RALGAPB: variants seen among roughly 807,000 people sequenced by gnomAD.
The protein encoded by RALGAPB is Ral GTPase activating protein non-catalytic subunit beta.
Under a neutral mutation model 161.1 loss-of-function variants are expected in RALGAPB, and 25 were observed. The ratio of observed to expected loss-of-function variants is 0.16; its 90% CI spans 0.11 to 0.22. RALGAPB has a LOEUF of 0.22. Ranked by LOEUF, RALGAPB falls within the 10% of genes least tolerant of loss-of-function variation. The pLI, the probability that RALGAPB is intolerant of heterozygous loss-of-function variation, is 1.00. For missense variants in RALGAPB, 1,391 were observed against 1,815.2 expected, an observed-to-expected ratio of 0.77 and a Z score of 4.25; for synonymous variants, 629 against 626.1, an observed-to-expected ratio of 1.00 and a Z score of -0.07.
chr20:38,499,314 A>C, intron 4 of RALGAPB, 133 bp from the exon 5 acceptor site: 3 of 859,060 alleles, frequency 3.5e-6, no homozygotes, highest in Non-Finnish European at 5.3e-6. Flanking sequence ...TTTACTATTA[A>C]ATGATTATTT....
intron 25 of RALGAPB, 109 bp downstream of exon 25, chr20:38,565,587 GC>G: frequency 7.7e-7 from 1 of 1,301,138 alleles, no homozygotes; most frequent in Non-Finnish European, 1.0e-6. Flanking sequence ...GCATTCTTTA[GC>G]TTCTAAGGCA....
intron 23 of RALGAPB, 114 bp from the exon 24 acceptor site, chr20:38,562,418 T>A: frequency 1.1e-6 from 1 of 902,536 alleles, no homozygotes; most frequent in South Asian, 2.1e-5. Flanking sequence ...AAATTTATTC[T>A]GAGCTTGGAC....
intron 21 of RALGAPB, 63 bp from the exon 22 acceptor site, chr20:38,553,795 AAAAAAACAC>A: frequency 1.1e-6 from 1 of 898,748 alleles, no homozygotes; most frequent in South Asian, 1.8e-5. Context: ...AAAAAAAAAA[AAAAAAACAC>A]TTAAGATTGG....
chr20:38,492,102 GA>G (rs2085297361), intron 2 of RALGAPB, among the ~76,000 whole-genome samples: 1 of 152,312 alleles, frequency 6.6e-6, no homozygotes, highest in South Asian at 2.1e-4. Context: ...CCACATGACA[GA>G]ATAGTATTAG....
intron 24 of RALGAPB, 130 bp from the exon 25 acceptor site, chr20:38,565,225 TACTA>T (rs2087950127): frequency 2.0e-6 from 2 of 984,610 alleles, no homozygotes; most frequent in South Asian, 2.1e-5. Flanking sequence ...TATTCTTTCA[TACTA>T]ATTGGTTCTT....
At chr20:38,563,126 G>T (rs1334047327) in intron 24 of RALGAPB, among the ~76,000 whole-genome samples, 1 of 151,930 alleles carries the variant, frequency 6.6e-6, no homozygotes, top group Non-Finnish European at 1.5e-5. Flanking sequence ...GTCCTGACAG[G>T]GTAACTTAGT....
At chr20:38,531,817 A>C (rs2086660106) in intron 14 of RALGAPB, among the ~76,000 whole-genome samples, 1 of 152,186 alleles carries the variant, frequency 6.6e-6, no homozygotes. Context: ...ATGGGTGATC[A>C]AATTATTATT....
chr20:38,500,979 C>T (rs2085575862), intron 5 of RALGAPB, among the ~76,000 whole-genome samples: 1 of 152,014 alleles, frequency 6.6e-6, no homozygotes, highest in Non-Finnish European at 1.5e-5. Flanking sequence ...AGGAAGAGGC[C>T]GAGGTTGGTT....
chr20:38,521,033 C>G (rs1040048485), intron 9 of RALGAPB, among the ~76,000 whole-genome samples: 2 of 152,220 alleles, frequency 1.3e-5, no homozygotes, highest in South Asian at 4.2e-4. Context: ...TTTGCCCTCT[C>G]CCTAAAGTAT....
chr20:38,490,049 G>A (rs900342790), intron 2 of RALGAPB, among the ~76,000 whole-genome samples: 3 of 146,752 alleles, frequency 2.0e-5, no homozygotes, highest in South Asian at 2.1e-4. Flanking sequence ...TCGCTCTGTC[G>A]CCCAGGCTGG....
At chr20:38,509,382 C>T (rs1568925303) in intron 6 of RALGAPB, among the ~76,000 whole-genome samples, 174 bp downstream of exon 6, 1 of 152,228 alleles carries the variant, frequency 6.6e-6, no homozygotes, top group Non-Finnish European at 1.5e-5. Context: ...CTCTCCCCGT[C>T]CCAGCAGGGT....
chr20:38,509,351 A>C, intron 6 of RALGAPB, 143 bp downstream of exon 6: 1 of 939,158 alleles, frequency 1.1e-6, no homozygotes, highest in Non-Finnish European at 1.6e-6. Flanking sequence ...CAACAAGCAC[A>C]TTTCTGTCCT....
At chr20:38,497,895 C>G (rs1315329516) in intron 4 of RALGAPB, among the ~76,000 whole-genome samples, 1 of 151,878 alleles carries the variant, frequency 6.6e-6, no homozygotes, top group African/African-American at 2.4e-5. Context: ...ATGGCGAAAC[C>G]CCATCTCTTC....
Position 38,570,006 on chromosome 20 carries a change from G to A in RALGAPB, c.4063+10G>A, listed in dbSNP as rs554650459. 6.3e-7 allele frequency: 1 copy of A among 1,594,506 alleles called. No homozygotes were observed. Among genetic ancestry groups the A allele is most frequent in the Non-Finnish European group, 8.6e-7 (1 of 1,162,556 alleles). ...CGCTATGATGATATAGGTACTGTAT[G>A]AGGACTTTGTCCATAAATAAAATGG... On this transcript the variant is annotated intron_variant, in intron 27 of 29. Coordinates refer to ENST00000262879, the MANE Select transcript of RALGAPB (RefSeq NM_020336.4).
chr20:38,476,918 A>G lies in RALGAPB; in HGVS notation c.-31+3849A>G, dbSNP rs865899095. 1.2e-4 allele frequency among the ~76,000 whole-genome samples: 18 copies of G among 152,352 alleles called. 1 individual carries two copies. The Middle Eastern group carries it at 0.01, about 86-fold the overall frequency. ...TTTACTGAACGCATATCACTTTCAC[A>G]CCCTGGTACAGTTGAAAATAATAAG... is the stretch of plus-strand genomic sequence containing the variant. On this transcript the variant is annotated intron_variant, in intron 1 of 29. Coordinates refer to ENST00000262879, the MANE Select transcript of RALGAPB (RefSeq NM_020336.4).
intron 26 of RALGAPB, 146 bp from the exon 27 acceptor site, chr20:38,569,742 G>A: frequency 1.6e-6 from 1 of 617,502 alleles, no homozygotes; most frequent in Non-Finnish European, 2.9e-6. Context: ...TGTTGCAAAT[G>A]TATACACTTT....
At position 38,497,422 on chromosome 20, in the gene RALGAPB, T is replaced by G. The variant is rs1190815134; in HGVS notation, c.459T>G (p.Arg153=). The G allele has an allele frequency of 2.5e-6, 4 of 1,613,934 alleles. No homozygotes were observed. Among genetic ancestry groups the G allele is most frequent in the Non-Finnish European group, 2.5e-6 (3 of 1,179,930 alleles). ...QVLRAIQKLA[R]ESSLMARETW... is the part of the protein sequence containing the mutation. ...TGAGAGCCATTCAGAAACTGGCCCG[T>G]GAGTCATCTCTCATGGCCCGAGAAA... is the stretch of plus-strand genomic sequence containing the variant. Residue 153 remains arginine (R), a synonymous_variant, in exon 4 of 30, where the codon CGT becomes CGG. Coordinates refer to ENST00000262879, the MANE Select transcript of RALGAPB (RefSeq NM_020336.4).
chr20:38,541,359 T>TA (rs1600995144), intron 18 of RALGAPB, among the ~76,000 whole-genome samples, 167 bp downstream of exon 18: 1 of 152,350 alleles, frequency 6.6e-6, no homozygotes, highest in East Asian at 1.9e-4. Flanking sequence ...ATTTTTTTTT[T>TA]ACGTGTTTTG....
chr20:38,554,995 G>A (rs768253740), intron 22 of RALGAPB, among the ~76,000 whole-genome samples: 1 of 152,110 alleles, frequency 6.6e-6, no homozygotes, highest in Non-Finnish European at 1.5e-5. Context: ...GAGGCAAGAG[G>A]ATTGCTTGAG....
Sources: allele counts gnomAD v4.1 joint callset (sites outside exome capture counted in the v4.1 genomes callset), GRCh38; gene constraint gnomAD v4.1.1; transcripts MANE v1.5; gene names NCBI Gene and HGNC (gene_info 2026-07-23, HGNC 2026-07-21).